Variants in GRIN2A observed in about 807,000 individuals in gnomAD.
GRIN2A encodes the protein glutamate receptor ionotropic, NMDA 2A.
A neutral mutation model predicts 113.4 loss-of-function variants in GRIN2A; 22 were observed. The ratio of observed to expected loss-of-function variants is 0.19; its 90% CI spans 0.14 to 0.28. The LOEUF (loss-of-function observed/expected upper bound fraction) is 0.28. Among genes scored for constraint, GRIN2A ranks in the 10% least tolerant of loss-of-function variants. The pLI is 1.00. For synonymous variants in GRIN2A, 827 were observed against 738.4 expected, an observed-to-expected ratio of 1.12 and a Z score of -1.94; for missense variants, 1,502 against 1,887.0, an observed-to-expected ratio of 0.80 and a Z score of 3.78.
At chr16:10,098,077 C>G (rs937323540) in intron 2 of GRIN2A, among the ~76,000 whole-genome samples, 1 of 151,922 alleles carries the variant, frequency 6.6e-6, no homozygotes, top group African/African-American at 2.4e-5. Context: ...ACAAGGAACT[C>G]AAACAAATTA....
chr16:10,168,493 G>T lies in GRIN2A; in HGVS notation c.414+11505C>A, dbSNP rs182056286. On this transcript the variant is annotated intron_variant, in intron 2 of 12. Transcript: ENST00000330684. The stretch of plus-strand genomic sequence containing the variant: ...GTTTGAATAAGAAAGAGCCTCAGAG[G>T]TGACCCAACCCAACCTTGCAAGCCC... 1.2e-3 allele frequency among the ~76,000 whole-genome samples: 190 copies of T among 152,220 alleles called. 1 individual carries two copies. The highest frequency in any genetic ancestry group is 3.5e-4 in the Non-Finnish European group (24 of 68,012).
intron 8 of GRIN2A, among the ~76,000 whole-genome samples, chr16:9,833,185 AT>A (rs1368482326): frequency 6.6e-6 from 1 of 152,182 alleles, no homozygotes; most frequent in Non-Finnish European, 1.5e-5. Context: ...CTAGAGTGGG[AT>A]CCTTTTAATG....
chr16:10,158,251 C>T (rs769618928), intron 2 of GRIN2A, among the ~76,000 whole-genome samples: 2 of 152,172 alleles, frequency 1.3e-5, no homozygotes, highest in East Asian at 1.9e-4. Flanking sequence ...GAGATCCACC[C>T]GTCTCAGCCT....
At chr16:9,855,178 G>C (rs1307723275) in intron 4 of GRIN2A, among the ~76,000 whole-genome samples, 1 of 152,140 alleles carries the variant, frequency 6.6e-6, no homozygotes, top group African/African-American at 2.4e-5. Context: ...AGATCAGACA[G>C]ATGAACAGGT....
At chr16:9,829,783 G>A (rs2042455082) in intron 8 of GRIN2A, 131 bp from the exon 9 acceptor site, 2 of 700,948 alleles carry the variant, frequency 2.9e-6, no homozygotes, top group Non-Finnish European at 5.3e-6. Flanking sequence ...GTTGTGTCCT[G>A]TGATTGCCCT....
chr16:9,785,451 A>AG (rs1270774968), intron 11 of GRIN2A, among the ~76,000 whole-genome samples: 4 of 65,496 alleles, frequency 6.1e-5, no homozygotes, highest in South Asian at 6.7e-4. Flanking sequence ...GGGTGGGGGG[A>AG]GGGGGGAGGG....
At chr16:10,099,307 C>T (rs2048350706) in intron 2 of GRIN2A, among the ~76,000 whole-genome samples, 1 of 152,120 alleles carries the variant, frequency 6.6e-6, no homozygotes, top group East Asian at 1.9e-4. Context: ...CCTTTTAATG[C>T]TGCAAGCAGC....
chr16:9,818,516 A>G (rs2042225995), intron 10 of GRIN2A, among the ~76,000 whole-genome samples: 1 of 152,106 alleles, frequency 6.6e-6, no homozygotes, highest in Admixed American at 6.5e-5. Flanking sequence ...AGCTCAAAAG[A>G]CTAAAAAAGA....
intron 4 of GRIN2A, among the ~76,000 whole-genome samples, chr16:9,856,882 T>C (rs1451723236): frequency 6.6e-6 from 1 of 151,370 alleles, no homozygotes. Flanking sequence ...AATTTTCTGC[T>C]GAACAAAAAA....
intron 2 of GRIN2A, among the ~76,000 whole-genome samples, chr16:9,944,013 G>C (rs1368920039): frequency 6.6e-6 from 1 of 152,142 alleles, no homozygotes; most frequent in Non-Finnish European, 1.5e-5. Context: ...TAAGTACTTG[G>C]GGAAGGATGA....
intron 2 of GRIN2A, among the ~76,000 whole-genome samples, chr16:10,164,776 C>A (rs2049877064): frequency 1.3e-5 from 2 of 152,132 alleles, no homozygotes; most frequent in Admixed American, 1.3e-4. Flanking sequence ...AATATCAAAG[C>A]AGTTAAAATA....
intron 2 of GRIN2A, among the ~76,000 whole-genome samples, chr16:10,070,638 G>C (rs72774119): frequency 0.096 from 14,570 of 152,112 alleles, 752 homozygotes; most frequent in African/African-American, 0.11. Context: ...TATTCTCTGA[G>C]CACTCCTCTC....
chr16:9,833,017 G>C (rs1489242466), intron 8 of GRIN2A, among the ~76,000 whole-genome samples: 6 of 152,128 alleles, frequency 3.9e-5, no homozygotes, highest in African/African-American at 1.4e-4. Flanking sequence ...TGCTTTTTGG[G>C]GGATATGAGA....
chr16:9,814,670 T>A (rs1445447521), intron 10 of GRIN2A, among the ~76,000 whole-genome samples: 1 of 152,150 alleles, frequency 6.6e-6, no homozygotes, highest in Non-Finnish European at 1.5e-5. Context: ...GTCAACTAAC[T>A]AACCTCTCAA....
Position 9,782,481 on chromosome 16 carries a change from G to C in GRIN2A, c.2357-13392C>G, listed in dbSNP as rs1334771948. 2.0e-5 allele frequency among the ~76,000 whole-genome samples: 3 copies of C among 152,154 alleles called. No homozygotes were observed. In the East Asian group the frequency reaches 5.8e-4, roughly 29 times the overall value. The stretch of plus-strand genomic sequence containing the variant: ...AAAGTGTTTAAAAAATATAGACTGA[G>C]AGGGATTTGGGGCCACTGTTTATCC... On this transcript the variant is annotated intron_variant, in intron 11 of 12. Transcript: ENST00000330684.
In GRIN2A at chr16:10,180,881, G is replaced by T. The variant is rs1242032905; in HGVS notation, c.-18-452C>A. On this transcript the variant is annotated intron_variant, in intron 1 of 12. Transcript: ENST00000330684. This position sits in a 1 kb window ranked among gnomAD's most constrained non-coding sequence, Gnocchi z 7.0. ...AAGTTATCAACCCCGCCCCCTGCTG[G>T]CGCGGAGCGAACTACAGACCCCGCA... 4.8e-6 allele frequency: 1 copy of T among 206,440 alleles called. No individual in the cohort carries two copies. The highest frequency in any genetic ancestry group is 9.9e-6 in the Non-Finnish European group (1 of 100,548). The allele number at this position is 206,440 out of a possible 1,614,324, so 12.8% of individuals were successfully genotyped here.
At position 9,763,111 on chromosome 16, in the gene GRIN2A, G is replaced by A. The variant is rs200253608; in HGVS notation, c.*38C>T. ...TACCCTCCAGAACATTGGCCATTAC[G>A]TATATTTCCCTATAGATAAAACATT... On this transcript the variant is annotated 3_prime_UTR_variant, in exon 13 of 13. Coordinates refer to ENST00000330684, the MANE Select transcript of GRIN2A (RefSeq NM_001134407.3). 24 of 1,594,028 alleles carry A rather than the reference G, an allele frequency of 1.5e-5. No individual in the cohort carries two copies. The South Asian group carries it at 1.9e-4, about 12-fold the overall frequency.
intron 2 of GRIN2A, among the ~76,000 whole-genome samples, chr16:10,178,164 C>T (rs528113578): frequency 1.3e-5 from 2 of 152,260 alleles, no homozygotes; most frequent in African/African-American, 4.8e-5. Flanking sequence ...TACTCCAAGG[C>T]GTGGCTGGAA....
At chr16:9,872,136 G>A (rs1411117662) in intron 4 of GRIN2A, among the ~76,000 whole-genome samples, 2 of 152,130 alleles carry the variant, frequency 1.3e-5, no homozygotes, top group East Asian at 3.8e-4. Flanking sequence ...ATCCTCACAG[G>A]AACCCCAAGG....
Sources: gnomAD v4.1 joint callset for allele counts (sites outside exome capture counted in the v4.1 genomes callset) on GRCh38, gnomAD v4.1.1 for gene constraint, Gnocchi (gnomAD v3.1) non-coding constraint, MANE v1.5 for transcripts, NCBI Gene and HGNC (gene_info 2026-07-23, HGNC 2026-07-21) for gene names.